NADSYN1: variants seen among roughly 807,000 people sequenced by gnomAD.
The protein encoded by NADSYN1 is NAD synthetase 1.
In NADSYN1, 80 loss-of-function variants were observed where a neutral mutation model predicts 99.3. The observed-to-expected ratio is 0.81, with a 90% CI of 0.67 to 0.97. NADSYN1 has a LOEUF of 0.97. Among genes scored for constraint, NADSYN1 ranks in the 50% least tolerant of loss-of-function variants. The pLI is 0.00. For missense variants in NADSYN1, 859 were observed against 948.5 expected, an observed-to-expected ratio of 0.91 and a Z score of 1.24; for synonymous variants, 385 against 372.1, an observed-to-expected ratio of 1.03 and a Z score of -0.40.
chr11:71,462,703 A>G (rs1410652280), intron 3 of NADSYN1, among the ~76,000 whole-genome samples: 1 of 152,174 alleles, frequency 6.6e-6, no homozygotes, highest in Non-Finnish European at 1.5e-5. Flanking sequence ...ACTCCACACC[A>G]TCCACATTTG....
intron 16 of NADSYN1, among the ~76,000 whole-genome samples, chr11:71,489,784 G>A (rs1369754329): frequency 1.3e-5 from 2 of 152,228 alleles, no homozygotes; most frequent in Non-Finnish European, 2.9e-5. Context: ...GGAGGTGTGA[G>A]TTTGGGAGTG....
chr11:71,453,253 T>C lies in NADSYN1; in HGVS notation c.-44T>C. The stretch of plus-strand genomic sequence containing the variant: ...CGCCTACCTCGCTGGGACCCTGGTC[T>C]TGCTGTCCCCCGCTGGCCTCCTGCC... On this transcript the variant is annotated 5_prime_UTR_variant, in exon 1 of 21. Transcript: ENST00000319023. The C allele has an allele frequency of 6.3e-7, 1 of 1,577,022 alleles. No homozygotes were observed. The highest frequency in any genetic ancestry group is 8.7e-7 in the Non-Finnish European group (1 of 1,150,610).
At chr11:71,492,006 A>C in intron 18 of NADSYN1, 103 bp downstream of exon 18, 1 of 1,019,518 alleles carries the variant, frequency 9.8e-7, no homozygotes, top group Admixed American at 2.3e-5. Flanking sequence ...GGACAGCTGC[A>C]TCGCTGTCAC....
At chr11:71,470,118 G>A (rs563435154) in intron 5 of NADSYN1, among the ~76,000 whole-genome samples, 1 of 152,258 alleles carries the variant, frequency 6.6e-6, no homozygotes, top group East Asian at 1.9e-4. Context: ...GAGAATGAGA[G>A]CCAAGCAAAA....
chr11:71,470,097 G>A (rs111795858), intron 5 of NADSYN1, among the ~76,000 whole-genome samples: 30 of 152,266 alleles, frequency 2.0e-4, no homozygotes, highest in Non-Finnish European at 3.8e-4. Context: ...CTTACATAGC[G>A]GCAGACAAGA....
intron 19 of NADSYN1, 69 bp from the exon 20 acceptor site, chr11:71,498,283 C>A: frequency 1.3e-6 from 2 of 1,556,894 alleles, no homozygotes; most frequent in Non-Finnish European, 1.8e-6. Flanking sequence ...TATGATCCAG[C>A]ATGGGAATTC....
intron 20 of NADSYN1, chr11:71,500,106 C>T (rs1289482750): frequency 6.6e-6 from 1 of 152,224 alleles, no homozygotes; most frequent in Admixed American, 6.5e-5. Flanking sequence ...AGCTAGAGGA[C>T]ACCTAGTGTC....
chr11:71,486,127 G>A (rs1051656955), intron 16 of NADSYN1, among the ~76,000 whole-genome samples: 2 of 152,206 alleles, frequency 1.3e-5, no homozygotes, highest in Non-Finnish European at 2.9e-5. Flanking sequence ...TCCAGCAGTG[G>A]AGGCTGCTAG....
intron 1 of NADSYN1, among the ~76,000 whole-genome samples, chr11:71,454,904 TACAG>T: frequency 6.6e-6 from 1 of 152,220 alleles, no homozygotes; most frequent in Non-Finnish European, 1.5e-5. Flanking sequence ...TACTCGTGTA[TACAG>T]GTGTATACAG....
chr11:71,501,341 G>A lies in NADSYN1; in HGVS notation c.2110G>A (p.Gly704Ser), dbSNP rs12282060. 1.8e-3 allele frequency: 2,918 copies of A among 1,606,898 alleles called. 38 individuals are homozygous for A. The African/African-American group carries it at 0.028, about 15-fold the overall frequency. The stretch of plus-strand genomic sequence containing the variant: ...GAGGGCAGAGCCACAGTCCCTGGAC[G>A]GCGTGGACTGAGGCCGGTTCCTTCC... ...LERAEPQSLD[G>S]VD The change falls in exon 21 of 21, where the codon GGC becomes AGC. Residue 704 changes from glycine to serine, a missense_variant. Gly to Ser is a moderately conservative substitution (Grantham distance 56). Coordinates refer to ENST00000319023, the MANE Select transcript of NADSYN1 (RefSeq NM_018161.5).
At chr11:71,492,887 ATTT>A (rs140022237) in intron 18 of NADSYN1, among the ~76,000 whole-genome samples, 3 of 142,596 alleles carry the variant, frequency 2.1e-5, no homozygotes, top group African/African-American at 2.6e-5. Context: ...TTGTCTCTAA[ATTT>A]TTTTTTTTTT....
intron 11 of NADSYN1, 59 bp from the exon 12 acceptor site, chr11:71,481,297 G>T (rs1440583409): frequency 2.5e-6 from 4 of 1,578,758 alleles, no homozygotes; most frequent in Non-Finnish European, 3.5e-6. Flanking sequence ...TGGGTGGGTT[G>T]TTGGGTGCTG....
chr11:71,491,994 C>G, intron 18 of NADSYN1, 91 bp downstream of exon 18: 2 of 1,210,798 alleles, frequency 1.7e-6, no homozygotes, highest in Non-Finnish European at 2.3e-6. Flanking sequence ...CTCCTGACCC[C>G]AGGACAGCTG....
At chr11:71,474,246 C>G in intron 8 of NADSYN1, 149 bp from the exon 9 acceptor site, 1 of 1,026,206 alleles carries the variant, frequency 9.7e-7, no homozygotes, top group Non-Finnish European at 1.4e-6. Context: ...CAGGTCTGTG[C>G]TTCCCCACAC....
intron 17 of NADSYN1, 58 bp downstream of exon 17, chr11:71,491,034 C>G: frequency 6.2e-7 from 1 of 1,604,742 alleles, no homozygotes; most frequent in Non-Finnish European, 8.5e-7. Flanking sequence ...CCAGCACGGC[C>G]CCGGCCACCC....
At position 71,490,943 on chromosome 11, in the gene NADSYN1, G is replaced by A. The variant is rs1949774660; in HGVS notation, c.1661G>A (p.Cys554Tyr). 6.2e-7 allele frequency: 1 copy of A among 1,614,084 alleles called. No individual in the cohort carries two copies. The highest frequency in any genetic ancestry group is 8.5e-7 in the Non-Finnish European group (1 of 1,180,034). Residue 554 changes from cysteine (C) to tyrosine (Y), a missense_variant, in exon 17 of 21, where the codon TGC (cysteine) becomes TAC (tyrosine). Transcript: ENST00000319023. ...GACCTCAGGGCCTTCGTCCAGTTCT[G>A]CATCCAGCGCTTCCAGCTTCCTGCC... ...KTDLRAFVQFCIQRFQLPALQ... is the reference protein window; with the variant it reads ...KTDLRAFVQFYIQRFQLPALQ...
chr11:71,465,877 T>A (rs562322516), intron 5 of NADSYN1, among the ~76,000 whole-genome samples: 2 of 152,348 alleles, frequency 1.3e-5, no homozygotes, highest in South Asian at 4.1e-4. Flanking sequence ...AGTCTGTTGA[T>A]TTTTGTAGTT....
At chr11:71,460,354 T>C (rs1949543141) in intron 3 of NADSYN1, 1 of 152,278 alleles carries the variant, frequency 6.6e-6, no homozygotes, top group Non-Finnish European at 1.5e-5. Context: ...TGTTTGTTTT[T>C]GTTTTTGTTT....
At chr11:71,471,137 G>A (rs572149934) in intron 5 of NADSYN1, among the ~76,000 whole-genome samples, 225 of 152,194 alleles carry the variant, frequency 1.5e-3, no homozygotes, top group Non-Finnish European at 1.6e-3. Flanking sequence ...TTCCCCGTTC[G>A]TCTCATGAAC....
Sources: allele counts gnomAD v4.1 joint callset (sites outside exome capture counted in the v4.1 genomes callset), GRCh38; gene constraint gnomAD v4.1.1; transcripts MANE v1.5; gene names NCBI Gene and HGNC (gene_info 2026-07-23, HGNC 2026-07-21).